Variants in PARVB observed in about 807,000 individuals in gnomAD.
The protein encoded by PARVB is beta-parvin.
A neutral mutation model predicts 47.0 loss-of-function variants in PARVB; 46 were observed. That is an observed-to-expected ratio of 0.98 (90% CI 0.77 to 1.25). PARVB has a LOEUF of 1.25. Among genes scored for constraint, PARVB ranks in the 50% most tolerant of loss-of-function variants. The probability of loss-of-function intolerance (pLI) is 0.00; values close to 1 mark genes in which losing one functional copy is unlikely to be tolerated. For synonymous variants in PARVB, 196 were observed against 196.3 expected (o/e 1.00, Z 0.01); for missense variants, 473 against 471.6 (o/e 1.00, Z -0.03).
intron 2 of PARVB, among the ~76,000 whole-genome samples, chr22:44,094,425 C>G (rs2052249870): frequency 6.6e-6 from 1 of 152,162 alleles, no homozygotes; most frequent in Non-Finnish European, 1.5e-5. Flanking sequence ...CCACAGAAGG[C>G]CACATGGAAA....
At position 44,172,860 on chromosome 22, in the gene PARVB, T is replaced by C. The variant is rs1223058114; in HGVS notation, c.*4182T>C. 7 of 812,500 alleles carry C rather than the reference T, an allele frequency of 8.6e-6. No homozygotes were observed. The highest frequency in any genetic ancestry group is 1.4e-4 in the East Asian group (2 of 14,454). The allele number at this position is 812,500 out of a possible 1,614,324, so 50.3% of individuals were successfully genotyped here. A position where few individuals can be genotyped will look rare whatever the true frequency, so the allele number is the denominator to read the frequency against. ...ACTGCAACACCGGGCAAACACTTCT[T>C]CCGCCAGGGATGCGGTTAGGACAAT... On this transcript the variant is annotated 3_prime_UTR_variant, in exon 13 of 13. Coordinates refer to ENST00000338758, the MANE Select transcript of PARVB (RefSeq NM_013327.5).
At chr22:44,069,098 T>G in intron 1 of PARVB, 1 of 1,611,100 alleles carries the variant, frequency 6.2e-7, no homozygotes, top group Non-Finnish European at 8.5e-7. Flanking sequence ...TGTGCCCGCC[T>G]GCCCTCCGAC....
At chr22:44,095,104 A>C (rs1601593066) in intron 2 of PARVB, among the ~76,000 whole-genome samples, 1 of 145,700 alleles carries the variant, frequency 6.9e-6, no homozygotes, top group African/African-American at 2.5e-5. Context: ...AGTGGTTTTC[A>C]TATGAAAGGT....
chr22:44,034,706 C>CTTTT (rs34429203), intron 1 of PARVB, among the ~76,000 whole-genome samples: 1 of 107,576 alleles, frequency 9.3e-6, no homozygotes, highest in African/African-American at 3.3e-5. Context: ...CCACGTGTAA[C>CTTTT]TTTTTTTTTT....
rs765238523 is a variant in PARVB, at chr22:44,140,489, A to C, written c.712+346A>C. ...TAAAAGGGAGGGAGGAGAGGCAGCC[A>C]GCACATGGAGCGTCGTTAGCTGGCT... On this transcript the variant is annotated intron_variant, in intron 8 of 12. Transcript: ENST00000338758. The C allele has an allele frequency of 7.3e-5, 45 of 617,920 alleles. No homozygotes were observed. In the Admixed American group the frequency reaches 8.3e-4, roughly 11 times the overall value. 38.3% of individuals were successfully genotyped at this position (617,920 alleles called of 1,614,324 possible). A position where few individuals can be genotyped will look rare whatever the true frequency, so the allele number is the denominator to read the frequency against.
At chr22:44,046,795 G>T (rs771035982) in intron 1 of PARVB, among the ~76,000 whole-genome samples, 2 of 152,222 alleles carry the variant, frequency 1.3e-5, no homozygotes, top group South Asian at 4.1e-4. Context: ...AGCACAGTGT[G>T]GGGTGGCAGG....
At chr22:44,140,447 G>T in intron 8 of PARVB, 1 of 690,742 alleles carries the variant, frequency 1.4e-6, no homozygotes, top group East Asian at 2.9e-5. Context: ...AGGGGCTGGA[G>T]CAAGAGTGGT....
intron 1 of PARVB, among the ~76,000 whole-genome samples, chr22:44,033,276 A>G (rs2050857347): frequency 6.6e-6 from 1 of 152,136 alleles, no homozygotes. Flanking sequence ...TCCTGACCTC[A>G]ACTGATCCGC....
intron 2 of PARVB, among the ~76,000 whole-genome samples, chr22:44,096,342 G>A (rs2052307082): frequency 6.6e-6 from 1 of 152,196 alleles, no homozygotes; most frequent in Non-Finnish European, 1.5e-5. Context: ...AGGCTACAGT[G>A]AGCCAAGATC....
chr22:44,059,843 C>T (rs138237722), intron 1 of PARVB, among the ~76,000 whole-genome samples: 15 of 152,264 alleles, frequency 9.9e-5, no homozygotes, highest in East Asian at 3.9e-4. Context: ...AAACAGCACT[C>T]GTCGTCTTTG....
upstream of PARVB, among the ~76,000 whole-genome samples, chr22:44,023,542 TAAAATAAAA>T (rs1217386468): frequency 3.6e-5 from 3 of 82,586 alleles, no homozygotes; most frequent in Non-Finnish European, 7.6e-5. Flanking sequence ...CAAAACAAAA[TAAAATAAAA>T]TAAAATAAAA....
rs891013583 is a variant in PARVB at position 44,155,467 on chromosome 22, C to T, written c.844-2515C>T. Among the ~76,000 whole-genome samples the T allele has an allele frequency of 5.3e-5, 8 of 152,316 alleles. No individual in the cohort carries two copies. Among genetic ancestry groups the T allele is most frequent in the Admixed American group, 2.0e-4 (3 of 15,294 alleles). On this transcript the variant is annotated intron_variant, in intron 10 of 12. Coordinates refer to ENST00000338758, the MANE Select transcript of PARVB (RefSeq NM_013327.5). The surrounding 1 kb of genome is among the most constrained non-coding windows in gnomAD (Gnocchi z 4.8). ...TCCTTGTGGCCGTCCCTCCCTCCTT[C>T]CTGTGAGCCCGTGTGCTGGGACAGT... is the stretch of plus-strand genomic sequence containing the variant.
At chr22:44,117,622 C>T (rs1341859016) in intron 3 of PARVB, among the ~76,000 whole-genome samples, 1 of 152,198 alleles carries the variant, frequency 6.6e-6, no homozygotes, top group Non-Finnish European at 1.5e-5. Context: ...ACCTCTGTTC[C>T]TTGTGGGCTT....
intron 9 of PARVB, 56 bp from the exon 10 acceptor site, chr22:44,151,427 G>T: frequency 7.4e-7 from 1 of 1,345,828 alleles, no homozygotes; most frequent in Non-Finnish European, 1.1e-6. Flanking sequence ...TGCCCCTCCA[G>T]ATGGGACCTG....
chr22:44,107,461 C>A (rs76562093), intron 3 of PARVB: 1 of 152,196 alleles, frequency 6.6e-6, no homozygotes, highest in Non-Finnish European at 1.5e-5. Context: ...ATTCTTAGCA[C>A]GTAGCGCCTA....
At chr22:44,061,451 CAAAA>C (rs2051417940) in intron 1 of PARVB, among the ~76,000 whole-genome samples, 1 of 151,568 alleles carries the variant, frequency 6.6e-6, no homozygotes, top group Admixed American at 6.6e-5. Context: ...CAAAACAAAA[CAAAA>C]CAAAACAAAC....
chr22:44,037,917 C>T (rs1601510724), intron 1 of PARVB, among the ~76,000 whole-genome samples: 3 of 151,768 alleles, frequency 2.0e-5, no homozygotes, highest in East Asian at 1.9e-4. Context: ...TCCAGATTCT[C>T]GCCAGCCACC....
Position 44,119,077 on chromosome 22 carries a change from A to G in PARVB, c.313A>G (p.Arg105Gly). ...GATTAATGACGTGCTGGTGGAGGAG[A>G]GGATCATTGTGAAGCAGCTGGAGGA... ...DWINDVLVEE[R>G]IIVKQLEEDL... Residue 105 changes from arginine to glycine, a missense_variant, in exon 4 of 13, where the codon AGG becomes GGG. Coordinates refer to ENST00000338758, the MANE Select transcript of PARVB (RefSeq NM_013327.5). 1 of 1,613,888 alleles carries G rather than the reference A, an allele frequency of 6.2e-7. No homozygotes were observed.
rs187742067 is a variant in PARVB, at chr22:44,099,507, G to C, written c.203-546G>C. Among the ~76,000 whole-genome samples the C allele has an allele frequency of 1.8e-3, 264 of 150,214 alleles. 1 individual carries two copies. Among genetic ancestry groups the C allele is most frequent in the African/African-American group, 6.2e-3 (255 of 41,426 alleles). On this transcript the variant is annotated intron_variant, in intron 2 of 12. Coordinates refer to ENST00000338758, the MANE Select transcript of PARVB (RefSeq NM_013327.5). Reference sequence around the variant, plus strand: ...AGGGTGAGGCTGAACACGTTTTGCTGTTACACATCATCCCCCCCCACCTTT... The same window carrying C: ...AGGGTGAGGCTGAACACGTTTTGCTCTTACACATCATCCCCCCCCACCTTT...
Sources: gnomAD v4.1 joint callset for allele counts (sites outside exome capture counted in the v4.1 genomes callset) on GRCh38, gnomAD v4.1.1 for gene constraint, Gnocchi (gnomAD v3.1) non-coding constraint, MANE v1.5 for transcripts, NCBI Gene and HGNC (gene_info 2026-07-23, HGNC 2026-07-21) for gene names.